Variants in PPP2R3B observed in about 807,000 individuals in gnomAD.
The protein encoded by PPP2R3B is protein phosphatase 2 regulatory subunit B''beta, also known as serine/threonine-protein phosphatase 2A regulatory subunit B'' subunit beta.
In PPP2R3B, 68 loss-of-function variants were observed where a neutral mutation model predicts 72.9. That is an observed-to-expected ratio of 0.93 (90% confidence interval 0.77 to 1.14). The LOEUF is 1.14. Among genes scored for constraint, PPP2R3B ranks in the 50% most tolerant of loss-of-function variants. The pLI is 0.00. For synonymous variants in PPP2R3B, 466 were observed against 375.8 expected (o/e 1.24, Z -2.78); for missense variants, 1,018 against 842.0 (o/e 1.21, Z -2.59).
At chrX:349,712 AAAC>A (rs1158555587) in intron 2 of PPP2R3B, among the ~76,000 whole-genome samples, 2 of 152,254 alleles carry the variant, frequency 1.3e-5, no homozygotes, top group East Asian at 3.8e-4. Context: ...TACTGGCAAC[AAAC>A]AACTAAAAAT....
In PPP2R3B at chrX:346,188, T is replaced by G; in HGVS notation, c.865A>C (p.Ser289Arg). The G allele has an allele frequency of 6.4e-7, 1 of 1,561,570 alleles. No individual in the cohort carries two copies. The highest frequency in any genetic ancestry group is 8.7e-7 in the Non-Finnish European group (1 of 1,155,706). ...GRITCAELRRSSFLQNVALLE... is the reference protein window; with the variant it reads ...GRITCAELRRRSFLQNVALLE... Reference sequence around the variant, plus strand: ...CCGCTCCGCACCTGCAGGAAGGAGCTCCTCCGCAGCTCGGCGCAGGTGATC... The same window carrying G: ...CCGCTCCGCACCTGCAGGAAGGAGCGCCTCCGCAGCTCGGCGCAGGTGATC... Residue 289 changes from serine to arginine, a missense_variant, in exon 6 of 13, where the codon AGC (serine) becomes CGC (arginine). By Grantham distance (110) the Ser-to-Arg change is moderately radical. Transcript: ENST00000390665.
chrX:352,245 G>C (rs965734865), intron 2 of PPP2R3B, among the ~76,000 whole-genome samples: 6 of 152,246 alleles, frequency 3.9e-5, no homozygotes, highest in Non-Finnish European at 1.5e-5. Context: ...ACTTTTAAAA[G>C]TCTTTTCGTG....
At chrX:361,842 A>G (rs2071548315) in intron 1 of PPP2R3B, among the ~76,000 whole-genome samples, 2 of 152,094 alleles carry the variant, frequency 1.3e-5, no homozygotes, top group Non-Finnish European at 2.9e-5. Flanking sequence ...CTGAGCCCCC[A>G]TCACACCGAG....
chrX:375,835 C>CTGCCACGCTGGGTGACACACGCCCTGTCT (rs2071981097), intron 1 of PPP2R3B, among the ~76,000 whole-genome samples: 1 of 152,190 alleles, frequency 6.6e-6, no homozygotes, highest in Non-Finnish European at 1.5e-5. Flanking sequence ...ACGCCCTGTC[C>CTGCCACGCTGGGTGACACACGCCCTGTCT]TGCCACGGCG....
At chrX:342,138 A>G (rs888812288) in intron 7 of PPP2R3B, 49 of 641,228 alleles carry the variant, frequency 7.6e-5, no homozygotes, top group African/African-American at 7.5e-4. Flanking sequence ...GTCCAGCATG[A>G]AATCCACAGA....
At chrX:363,338 GCCCACCAT>G in intron 1 of PPP2R3B, among the ~76,000 whole-genome samples, 1 of 143,118 alleles carries the variant, frequency 7.0e-6, no homozygotes, top group Admixed American at 6.9e-5. Flanking sequence ...ATCTCCCCGA[GCCCACCAT>G]CCCGCAGTGC....
At chrX:341,637 C>T (rs1034640488) in intron 8 of PPP2R3B, 15 of 644,440 alleles carry the variant, frequency 2.3e-5, no homozygotes, top group Admixed American at 8.2e-5. Flanking sequence ...TCAGGCCCAG[C>T]GCCCGACAAG....
rs188869202 is a variant in PPP2R3B, at chrX:359,339, C to T, written c.510+2066G>A. Among the ~76,000 whole-genome samples, 357 of 152,298 alleles carry T rather than the reference C, an allele frequency of 2.3e-3. 3 individuals are homozygous for T. Among genetic ancestry groups the T allele is most frequent in the African/African-American group, 7.8e-3 (326 of 41,564 alleles). On this transcript the variant is annotated intron_variant, in intron 2 of 12. Coordinates refer to ENST00000390665, the MANE Select transcript of PPP2R3B (RefSeq NM_013239.5). ...GGAAGCTGAGCAAGGCGTGTTAAGT[C>T]GAGTGAGTCTGCCAGGGCACGGAGC...
chrX:386,804 G>T lies in PPP2R3B; in HGVS notation c.-113C>A. On this transcript the variant is annotated 5_prime_UTR_variant, in exon 1 of 13. Transcript: ENST00000390665. ...TGCGAGCACGGCCCGCTGAGGGGGC[G>T]CGGCGCAGGGAACAGGGCCCGCGCC... 1.8e-6 allele frequency: 1 copy of T among 570,800 alleles called. No individual in the cohort carries two copies. The highest frequency in any genetic ancestry group is 2.4e-6 in the Non-Finnish European group (1 of 417,008). 35.4% of individuals were successfully genotyped at this position (570,800 alleles called of 1,614,324 possible).
intron 1 of PPP2R3B, among the ~76,000 whole-genome samples, chrX:383,444 ACAC>A (rs1238604180): frequency 2.6e-5 from 4 of 152,182 alleles, no homozygotes; most frequent in African/African-American, 9.6e-5. Flanking sequence ...TATTCTCGGG[ACAC>A]CAGACGCACC....
At chrX:352,240 TAA>T (rs1213667982) in intron 2 of PPP2R3B, among the ~76,000 whole-genome samples, 1 of 152,254 alleles carries the variant, frequency 6.6e-6, no homozygotes, top group Admixed American at 6.5e-5. Context: ...ATCTGACTTT[TAA>T]AAGTCTTTTC....
At chrX:342,306 C>T in intron 7 of PPP2R3B, 2 of 316,406 alleles carry the variant, frequency 6.3e-6, no homozygotes, top group Non-Finnish European at 1.2e-5. Flanking sequence ...GGAGTGAGAC[C>T]TCAGCAACGG....
At chrX:348,028 C>T (rs1303770153) in intron 2 of PPP2R3B, among the ~76,000 whole-genome samples, 3 of 152,148 alleles carry the variant, frequency 2.0e-5, no homozygotes, top group Admixed American at 6.6e-5. Context: ...TAAATGGCCC[C>T]GTCAGCCAGG....
chrX:363,350 G>C (rs76860675), intron 1 of PPP2R3B, among the ~76,000 whole-genome samples: 1 of 75,888 alleles, frequency 1.3e-5, no homozygotes, highest in South Asian at 5.1e-4. Flanking sequence ...CCACCATCCC[G>C]CAGTGCATCT....
chrX:363,030 C>T (rs1482172427), intron 1 of PPP2R3B, among the ~76,000 whole-genome samples: 4 of 152,092 alleles, frequency 2.6e-5, no homozygotes, highest in Admixed American at 6.5e-5. Flanking sequence ...CGGTGAGACT[C>T]AGTTGTTTTT....
chrX:353,083 G>A (rs754439221), intron 2 of PPP2R3B, among the ~76,000 whole-genome samples: 144 of 152,018 alleles, frequency 9.5e-4, no homozygotes, highest in Non-Finnish European at 1.7e-3. Context: ...TCTAAAAGTG[G>A]GTGGCAGTGG....
intron 2 of PPP2R3B, among the ~76,000 whole-genome samples, chrX:351,174 G>A (rs954241499): frequency 1.3e-5 from 2 of 152,174 alleles, no homozygotes; most frequent in Non-Finnish European, 2.9e-5. Flanking sequence ...GCACGTGCCG[G>A]CTCCCGTGAT....
chrX:369,560 C>T (rs773378199), intron 1 of PPP2R3B, among the ~76,000 whole-genome samples: 5 of 152,306 alleles, frequency 3.3e-5, no homozygotes, highest in South Asian at 2.1e-4. Context: ...CCTGTTTTTG[C>T]GTAGAAGTGC....
chrX:362,587 GTCC>G (rs1051638424), intron 1 of PPP2R3B, among the ~76,000 whole-genome samples: 1 of 151,176 alleles, frequency 6.6e-6, no homozygotes, highest in Non-Finnish European at 1.5e-5. Context: ...ATGGGGCTGC[GTCC>G]TCCTCCTCCT....
Sources: allele counts gnomAD v4.1 joint callset (sites outside exome capture counted in the v4.1 genomes callset), GRCh38; gene constraint gnomAD v4.1.1; transcripts MANE v1.5; gene names NCBI Gene and HGNC (gene_info 2026-07-23, HGNC 2026-07-21).